Variants in SLC5A1 observed in about 807,000 individuals in gnomAD.
SLC5A1 encodes the protein sodium/glucose cotransporter 1.
A neutral mutation model predicts 73.5 loss-of-function variants in SLC5A1; 42 were observed. The ratio of observed to expected loss-of-function variants is 0.57; its 90% CI spans 0.45 to 0.74. The LOEUF (loss-of-function observed/expected upper bound fraction) is 0.74. SLC5A1 is among the 30% of genes least tolerant of loss of function. The pLI is 0.00. For synonymous variants in SLC5A1, 300 were observed against 317.4 expected, an observed-to-expected ratio of 0.95 and a Z score of 0.58; for missense variants, 634 against 855.4, an observed-to-expected ratio of 0.74 and a Z score of 3.23.
chr22:32,044,061 CT>C, intron 1 of SLC5A1, among the ~76,000 whole-genome samples: 1 of 152,228 alleles, frequency 6.6e-6, no homozygotes, highest in African/African-American at 2.4e-5. Context: ...TGTGTGTCTC[CT>C]TTTGGGACTC....
At chr22:32,072,502 G>A (rs2093984286) in intron 5 of SLC5A1, among the ~76,000 whole-genome samples, 1 of 152,094 alleles carries the variant, frequency 6.6e-6, no homozygotes. Flanking sequence ...TTACTACTGT[G>A]AATAACGCTC....
chr22:32,096,072 T>C (rs1459448282), intron 11 of SLC5A1, among the ~76,000 whole-genome samples: 2 of 152,160 alleles, frequency 1.3e-5, no homozygotes. Flanking sequence ...GTGGATCCTC[T>C]TGGCTTTCCT....
intron 11 of SLC5A1, among the ~76,000 whole-genome samples, chr22:32,095,000 C>T (rs181115263): frequency 6.6e-6 from 1 of 152,214 alleles, no homozygotes; most frequent in African/African-American, 2.4e-5. Flanking sequence ...TTCCTCTTAA[C>T]ACCACCTTTG....
rs893722298 is a variant in SLC5A1, at chr22:32,084,491, C to T, written c.717C>T (p.Ala239=). Residue 239 remains alanine (A), a synonymous_variant, in exon 8 of 15, where the codon GCC becomes GCT. Transcript: ENST00000266088. ...CCTTCATGGAAAAGTACATGAAAGC[C>T]ATTCCAACCATAGTGTCTGATGGCA... ...YDAFMEKYMK[A]IPTIVSDGNT... 3.7e-6 allele frequency: 6 copies of T among 1,614,258 alleles called. No individual in the cohort carries two copies. Among genetic ancestry groups the T allele is most frequent in the Non-Finnish European group, 5.1e-6 (6 of 1,180,044 alleles).
At chr22:32,054,895 G>A (rs1004556459) in intron 2 of SLC5A1, among the ~76,000 whole-genome samples, 1 of 152,096 alleles carries the variant, frequency 6.6e-6, no homozygotes, top group African/African-American at 2.4e-5. Flanking sequence ...GGCTGGTCTT[G>A]AACTCCTGGC....
chr22:32,087,179 A>C (rs1451006740), intron 10 of SLC5A1, among the ~76,000 whole-genome samples: 1 of 152,228 alleles, frequency 6.6e-6, no homozygotes, highest in Non-Finnish European at 1.5e-5. Flanking sequence ...TCTATTGTAC[A>C]ACATAGTGAC....
intron 5 of SLC5A1, among the ~76,000 whole-genome samples, chr22:32,079,477 T>C (rs536018035): frequency 6.6e-5 from 10 of 152,352 alleles, no homozygotes; most frequent in East Asian, 1.9e-4. Flanking sequence ...AGGTCATTTA[T>C]AGCATTATCT....
At chr22:32,076,498 G>A (rs899399343) in intron 5 of SLC5A1, among the ~76,000 whole-genome samples, 4 of 152,212 alleles carry the variant, frequency 2.6e-5, no homozygotes, top group Non-Finnish European at 4.4e-5. Context: ...TCCTAGGGCT[G>A]TTATCACAGA....
chr22:32,082,554 G>A (rs1445595114), intron 6 of SLC5A1, among the ~76,000 whole-genome samples: 1 of 152,134 alleles, frequency 6.6e-6, no homozygotes, highest in Non-Finnish European at 1.5e-5. Flanking sequence ...GAGGACTCAA[G>A]TGGCCACCCA....
At chr22:32,106,943 C>T (rs1047679385) in intron 14 of SLC5A1, among the ~76,000 whole-genome samples, 2 of 152,172 alleles carry the variant, frequency 1.3e-5, no homozygotes, top group Admixed American at 6.5e-5. Flanking sequence ...AGAATCCTAC[C>T]TGGGGAAAGA....
intron 5 of SLC5A1, among the ~76,000 whole-genome samples, chr22:32,075,486 G>T (rs1401277239): frequency 6.6e-6 from 1 of 152,128 alleles, no homozygotes; most frequent in African/African-American, 2.4e-5. Context: ...GGACTATGAG[G>T]GGTTAAACAG....
intron 10 of SLC5A1, among the ~76,000 whole-genome samples, chr22:32,090,327 G>A (rs1226946376): frequency 6.6e-6 from 1 of 151,992 alleles, no homozygotes; most frequent in Non-Finnish European, 1.5e-5. Flanking sequence ...CCCAGTCCCT[G>A]GCAACCACTA....
At chr22:32,081,838 C>A in intron 5 of SLC5A1, 28 bp from the exon 6 acceptor site, 1 of 1,500,898 alleles carries the variant, frequency 6.7e-7, no homozygotes, top group Non-Finnish European at 9.3e-7. Flanking sequence ...CACTCTCCCT[C>A]CTAACTCCGC....
At chr22:32,059,076 C>T in intron 2 of SLC5A1, 1 of 984,834 alleles carries the variant, frequency 1.0e-6, no homozygotes, top group Non-Finnish European at 1.2e-6. Context: ...AAAGAATGTC[C>T]TCTGTTAAGT....
At chr22:32,084,297 G>C in intron 7 of SLC5A1, 142 bp from the exon 8 acceptor site, 1 of 730,896 alleles carries the variant, frequency 1.4e-6, no homozygotes, top group Non-Finnish European at 2.4e-6. Flanking sequence ...GCCCAGAATG[G>C]GAAGGTGATT....
intron 2 of SLC5A1, among the ~76,000 whole-genome samples, chr22:32,060,790 G>A (rs2093961267): frequency 6.6e-6 from 1 of 151,974 alleles, no homozygotes. Flanking sequence ...GGCTGGTCTT[G>A]AACTCTTGGC....
chr22:32,044,667 A>G (rs1447868522), intron 1 of SLC5A1, among the ~76,000 whole-genome samples: 1 of 152,162 alleles, frequency 6.6e-6, no homozygotes, highest in East Asian at 1.9e-4. Flanking sequence ...AGGATACTCA[A>G]GTTCACTACT....
At chr22:32,068,648 C>G (rs779301576) in intron 5 of SLC5A1, 48 bp downstream of exon 5, 9 of 1,247,012 alleles carry the variant, frequency 7.2e-6, no homozygotes, top group Non-Finnish European at 1.1e-5. Flanking sequence ...AGCTGCCACT[C>G]TCATTCCTCA....
chr22:32,046,013 G>T (rs1211392617), intron 1 of SLC5A1, among the ~76,000 whole-genome samples: 4 of 152,146 alleles, frequency 2.6e-5, no homozygotes, highest in Admixed American at 2.6e-4. Context: ...CAAAGCCTCA[G>T]TATTTACCAT....
Sources: gnomAD v4.1 joint callset for allele counts (sites outside exome capture counted in the v4.1 genomes callset) on GRCh38, gnomAD v4.1.1 for gene constraint, MANE v1.5 for transcripts, NCBI Gene and HGNC (gene_info 2026-07-23, HGNC 2026-07-21) for gene names.